Variants in HNRNPD observed in about 807,000 individuals in gnomAD.
HNRNPD encodes the protein heterogeneous nuclear ribonucleoprotein D.
In HNRNPD, 3 loss-of-function variants were observed where a neutral mutation model predicts 47.9. The observed-to-expected ratio is 0.06, with a 90% CI of 0.03 to 0.16. The LOEUF (loss-of-function observed/expected upper bound fraction) is 0.16, where lower values mean the gene tolerates loss of function less well. HNRNPD is among the 10% of genes least tolerant of loss of function. The pLI is 1.00. For missense variants in HNRNPD, 287 were observed against 454.2 expected, an observed-to-expected ratio of 0.63 and a Z score of 3.35; for synonymous variants, 171 against 165.1, an observed-to-expected ratio of 1.04 and a Z score of -0.28.
At chr4:82,370,901 C>T (rs1720008694) in intron 2 of HNRNPD, among the ~76,000 whole-genome samples, 1 of 151,730 alleles carries the variant, frequency 6.6e-6, no homozygotes, top group South Asian at 2.1e-4. Flanking sequence ...AATATTCCAG[C>T]CAAATCACAC....
intron 2 of HNRNPD, among the ~76,000 whole-genome samples, chr4:82,365,931 A>G (rs1011816437): frequency 3.3e-5 from 5 of 151,854 alleles, no homozygotes; most frequent in Admixed American, 1.3e-4. Flanking sequence ...ACTATTTAAA[A>G]CTAATGAGAC....
At chr4:82,364,336 A>G (rs538606184) in intron 2 of HNRNPD, among the ~76,000 whole-genome samples, 51 of 152,322 alleles carry the variant, frequency 3.3e-4, no homozygotes, top group African/African-American at 1.0e-3. Flanking sequence ...CCCATCTGTA[A>G]AAAGAGCATA....
At chr4:82,373,253 G>T in intron 1 of HNRNPD, 193 bp downstream of exon 1, 1 of 770,188 alleles carries the variant, frequency 1.3e-6, no homozygotes, top group South Asian at 1.5e-5. Flanking sequence ...GGGGAGGGGG[G>T]CGATAAGCAG....
In HNRNPD at chr4:82,363,461, A is replaced by T. The variant is rs138553432; in HGVS notation, c.291-3822T>A. Among the ~76,000 whole-genome samples the T allele has an allele frequency of 5.1e-4, 78 of 152,262 alleles. 1 individual carries two copies. In the East Asian group the frequency reaches 0.012, roughly 24 times the overall value. ...ACCTCTGCTGCCTTGAATACAAAGC[A>T]TTTCATATTGCTGTCACTCCTGCGT... is the stretch of plus-strand genomic sequence containing the variant. On this transcript the variant is annotated intron_variant, in intron 2 of 8. Coordinates refer to ENST00000313899, the MANE Select transcript of HNRNPD (RefSeq NM_031370.3).
chr4:82,364,670 A>C (rs776507718), intron 2 of HNRNPD, among the ~76,000 whole-genome samples: 10 of 152,206 alleles, frequency 6.6e-5, no homozygotes, highest in Admixed American at 6.5e-5. Flanking sequence ...AAAATATATA[A>C]ACTAAAAATT....
At chr4:82,360,118 A>G (rs1274779385) in intron 2 of HNRNPD, among the ~76,000 whole-genome samples, 1 of 152,162 alleles carries the variant, frequency 6.6e-6, no homozygotes, top group African/African-American at 2.4e-5. Context: ...CATAAAATGG[A>G]AAATTCTACA....
Position 82,358,730 on chromosome 4 carries a change from T to C in HNRNPD, c.550A>G (p.Ile184Val). The C allele has an allele frequency of 6.2e-7, 1 of 1,612,614 alleles. No individual in the cohort carries two copies. The highest frequency in any genetic ancestry group is 8.5e-7 in the Non-Finnish European group (1 of 1,179,810). Residue 184 changes from isoleucine to valine, a missense_variant, in exon 4 of 9, where the codon ATT becomes GTT. Physicochemically the swap from Ile to Val is conservative, Grantham distance 29 (BLOSUM62 3). Around this residue, in one of 5 missense-constraint regions of HNRNPD, gnomAD observed 39 missense variants for 113.1 expected, o/e 0.34. Coordinates refer to ENST00000313899, the MANE Select transcript of HNRNPD (RefSeq NM_031370.3). Reference protein sequence around the residue: ...AMKTKEPVKKIFVGGLSPDTP... With the variant: ...AMKTKEPVKKVFVGGLSPDTP... ...TCTGGAGAAAGGCCACCAACAAAAA[T>C]TTTTTTAACCGGCTCTTTTGTTTTC...
intron 1 of HNRNPD, 84 bp downstream of exon 1, chr4:82,373,362 C>A: frequency 7.0e-7 from 1 of 1,429,280 alleles, no homozygotes. Context: ...GGGCTGAGAG[C>A]GGGAACCAGG....
Position 82,365,890 on chromosome 4 carries a change from G to A in HNRNPD, c.290+5638C>T, listed in dbSNP as rs1050205870. On this transcript the variant is annotated intron_variant, in intron 2 of 8. Coordinates refer to ENST00000313899, the MANE Select transcript of HNRNPD (RefSeq NM_031370.3). ...CCTCCCAAAGTGCTATATTACAAGC[G>A]TGAGCCACCGCACCCAGCCCACTTT... Among the ~76,000 whole-genome samples, 9 of 148,548 alleles carry A rather than the reference G, an allele frequency of 6.1e-5. No individual in the cohort carries two copies. The East Asian group carries it at 1.0e-3, about 17-fold the overall frequency.
intron 2 of HNRNPD, among the ~76,000 whole-genome samples, chr4:82,366,630 A>C (rs1719772616): frequency 6.6e-6 from 1 of 151,336 alleles, no homozygotes; most frequent in Non-Finnish European, 1.5e-5. Context: ...GCAGTGGTGC[A>C]ACCTTGTCTC....
chr4:82,357,567 C>T (rs1190710970), intron 4 of HNRNPD, 123 bp from the exon 5 acceptor site: 3 of 706,562 alleles, frequency 4.2e-6, no homozygotes, highest in Non-Finnish European at 6.7e-6. Flanking sequence ...GTTCTAGTCT[C>T]CTGTTTCTCC....
intron 2 of HNRNPD, among the ~76,000 whole-genome samples, chr4:82,369,576 T>TCTAC (rs72236613): frequency 1.4e-4 from 4 of 27,880 alleles, no homozygotes; most frequent in Admixed American, 5.8e-4. Flanking sequence ...ATTTGGATAC[T>TCTAC]CTATTAACCA....
chr4:82,368,650 T>C lies in HNRNPD; in HGVS notation c.290+2878A>G, dbSNP rs1223697137. Among the ~76,000 whole-genome samples, 17 of 152,336 alleles carry C rather than the reference T, an allele frequency of 1.1e-4. No individual in the cohort carries two copies. In the South Asian group the frequency reaches 3.3e-3, roughly 30 times the overall value. On this transcript the variant is annotated intron_variant, in intron 2 of 8. Transcript: ENST00000313899. ...ATTTGTCAAAGGCTCCCAAGAATGC[T>C]AACACTGAGACCAATCTACGCAGGG...
At chr4:82,360,259 C>T (rs928404796) in intron 2 of HNRNPD, among the ~76,000 whole-genome samples, 6 of 151,954 alleles carry the variant, frequency 3.9e-5, no homozygotes, top group Non-Finnish European at 5.9e-5. Context: ...TTAGATGATT[C>T]GTTTACAGTA....
chr4:82,370,010 AAT>A (rs981153990), intron 2 of HNRNPD, among the ~76,000 whole-genome samples: 30 of 152,046 alleles, frequency 2.0e-4, no homozygotes, highest in Admixed American at 2.0e-3. Flanking sequence ...GGCATGGTGG[AAT>A]ATGCCTGTAA....
At position 82,352,874 on chromosome 4, in the gene HNRNPD, A is replaced by C. The variant is rs1723556167; in HGVS notation, c.*1311T>G. ...GGTCAAATTCTTAGCATCAGATGTA[A>C]CTCCACAAAAGTAAGAAAGGTATTC... is the stretch of plus-strand genomic sequence containing the variant. On this transcript the variant is annotated 3_prime_UTR_variant, in exon 9 of 9. Coordinates refer to ENST00000313899, the MANE Select transcript of HNRNPD (RefSeq NM_031370.3). 2 of 152,174 alleles carry C rather than the reference A, an allele frequency of 1.3e-5. No individual in the cohort carries two copies. The highest frequency in any genetic ancestry group is 4.8e-5 in the African/African-American group (2 of 41,442). 9.4% of individuals were successfully genotyped at this position (152,174 alleles called of 1,614,324 possible).
At chr4:82,363,461 A>AT (rs1216081358) in intron 2 of HNRNPD, among the ~76,000 whole-genome samples, 1 of 152,146 alleles carries the variant, frequency 6.6e-6, no homozygotes, top group African/African-American at 2.4e-5. Context: ...AATACAAAGC[A>AT]TTTCATATTG....
intron 2 of HNRNPD, among the ~76,000 whole-genome samples, chr4:82,367,027 T>TTTTC (rs1491474340): frequency 1.3e-4 from 6 of 46,736 alleles, no homozygotes; most frequent in African/African-American, 7.2e-4. Flanking sequence ...CACACTAGCC[T>TTTTC]TTTTTTTTTT....
rs1441077324 is a variant in HNRNPD at position 82,352,564 on chromosome 4, T to C, written c.*1621A>G. 6.6e-6 allele frequency: 1 copy of C among 152,138 alleles called. No homozygotes were observed. The highest frequency in any genetic ancestry group is 1.9e-4 in the East Asian group (1 of 5,192). 9.4% of individuals were successfully genotyped at this position (152,138 alleles called of 1,614,324 possible). A position where few individuals can be genotyped will look rare whatever the true frequency, so the allele number is the denominator to read the frequency against. ...AAGCATATGATACCAAAAAGAACCC[T>C]AGCTTAACAACCCTAACACAAAAAA... is the stretch of plus-strand genomic sequence containing the variant. On this transcript the variant is annotated 3_prime_UTR_variant, in exon 9 of 9. Transcript: ENST00000313899.
Sources: gnomAD v4.1 joint callset for allele counts (sites outside exome capture counted in the v4.1 genomes callset) on GRCh38, gnomAD v4.1.1 for gene constraint, gnomAD v4.1.1 regional missense constraint, MANE v1.5 for transcripts, NCBI Gene and HGNC (gene_info 2026-07-23, HGNC 2026-07-21) for gene names.